The following MAPKAPK3 variants were observed in gnomAD, a reference collection of about 807,000 sequenced individuals.
The protein encoded by MAPKAPK3 is MAP kinase-activated protein kinase 3.
A neutral mutation model predicts 49.2 loss-of-function variants in MAPKAPK3; 35 were observed. That is an observed-to-expected ratio of 0.71 (90% CI 0.54 to 0.94). The LOEUF (loss-of-function observed/expected upper bound fraction) is 0.94. Ranked by LOEUF, MAPKAPK3 falls within the 40% of genes least tolerant of loss-of-function variation. MAPKAPK3 has a pLI of 0.00. For missense variants in MAPKAPK3, 398 were observed against 493.1 expected (o/e 0.81, Z 1.83); for synonymous variants, 178 against 188.7 (o/e 0.94, Z 0.46).
chr3:50,639,455 G>A (rs1235023724), intron 2 of MAPKAPK3, among the ~76,000 whole-genome samples: 6 of 152,128 alleles, frequency 3.9e-5, no homozygotes, highest in Admixed American at 1.3e-4. Context: ...TGACATTGTC[G>A]CCCTGGTACT....
intron 3 of MAPKAPK3, 122 bp from the exon 4 acceptor site, chr3:50,641,585 C>T: frequency 1.3e-6 from 1 of 786,572 alleles, no homozygotes; most frequent in East Asian, 2.6e-5. Flanking sequence ...CTGACAGTGG[C>T]TGTTCAGTAG....
chr3:50,630,656 T>A (rs886093593), intron 2 of MAPKAPK3, among the ~76,000 whole-genome samples: 2 of 151,940 alleles, frequency 1.3e-5, no homozygotes, highest in South Asian at 4.2e-4. Flanking sequence ...TCGGAAGGAG[T>A]GGCAGGGCCT....
chr3:50,635,481 G>C (rs977276396), intron 2 of MAPKAPK3, among the ~76,000 whole-genome samples: 1 of 118,368 alleles, frequency 8.4e-6, no homozygotes, highest in Non-Finnish European at 1.6e-5. Context: ...GCAGTGGCAC[G>C]ATCTCAGCTC....
At chr3:50,647,473 T>C (rs2033331187) in intron 10 of MAPKAPK3, among the ~76,000 whole-genome samples, 1 of 152,220 alleles carries the variant, frequency 6.6e-6, no homozygotes, top group Middle Eastern at 3.4e-3. Flanking sequence ...CCAACAACAT[T>C]TGGGAGGGTG....
intron 2 of MAPKAPK3, among the ~76,000 whole-genome samples, chr3:50,633,987 G>A (rs2032973515): frequency 6.6e-6 from 1 of 152,164 alleles, no homozygotes; most frequent in African/African-American, 2.4e-5. Context: ...ATGCTAGAGG[G>A]GCACGGGCCC....
intron 1 of MAPKAPK3, 126 bp from the exon 2 acceptor site, chr3:50,617,388 C>T: frequency 1.7e-6 from 1 of 578,462 alleles, no homozygotes; most frequent in Admixed American, 3.0e-5. Context: ...CACGTCTGTA[C>T]TCTCAGGCCG....
chr3:50,628,166 A>T (rs190306703), intron 2 of MAPKAPK3, among the ~76,000 whole-genome samples: 1 of 152,010 alleles, frequency 6.6e-6, no homozygotes, highest in African/African-American at 2.4e-5. Context: ...AAAGCTGGAG[A>T]GTTTTGGGTC....
chr3:50,613,144 G>A (rs904387063), upstream of MAPKAPK3, among the ~76,000 whole-genome samples: 3 of 151,930 alleles, frequency 2.0e-5, no homozygotes, highest in South Asian at 2.1e-4. Context: ...CCCCCTCCCA[G>A]TGTGTGCCCC....
upstream of MAPKAPK3, among the ~76,000 whole-genome samples, chr3:50,615,424 T>G (rs1235482839): frequency 6.6e-6 from 1 of 152,238 alleles, no homozygotes; most frequent in Non-Finnish European, 1.5e-5. Context: ...TGACTGCATG[T>G]GTACATGTGT....
chr3:50,619,640 C>A (rs1382340114), intron 2 of MAPKAPK3, among the ~76,000 whole-genome samples: 1 of 152,140 alleles, frequency 6.6e-6, no homozygotes, highest in Non-Finnish European at 1.5e-5. Context: ...TTCTTAATAC[C>A]AAGGCTTTGA....
At chr3:50,611,809 G>C, upstream of MAPKAPK3, 3 of 977,550 alleles carry the variant, frequency 3.1e-6, no homozygotes, top group Non-Finnish European at 4.2e-6. Context: ...GCGAGGGCGA[G>C]GGGGGCGGGC....
At chr3:50,646,392 C>T (rs969639413) in intron 8 of MAPKAPK3, 128 bp downstream of exon 8, 72 of 1,285,628 alleles carry the variant, frequency 5.6e-5, no homozygotes, top group Non-Finnish European at 7.9e-5. Flanking sequence ...GCTATGGGAC[C>T]CTAGGCAAGT....
upstream of MAPKAPK3, among the ~76,000 whole-genome samples, chr3:50,615,341 C>T (rs1203993074): frequency 6.6e-6 from 1 of 152,136 alleles, no homozygotes; most frequent in Non-Finnish European, 1.5e-5. Flanking sequence ...GCATGTGTAT[C>T]TGTGTGCATG....
intron 2 of MAPKAPK3, among the ~76,000 whole-genome samples, chr3:50,623,476 A>G (rs561980592): frequency 2.0e-5 from 3 of 152,262 alleles, no homozygotes; most frequent in Admixed American, 6.5e-5. Context: ...TGGGGCTTCT[A>G]GGATCTTTTC....
Position 50,648,211 on chromosome 3 carries a change from A to G in MAPKAPK3, c.*165A>G, listed in dbSNP as rs9879397. ...TCAGGATGGAGGACCCTGACCCTAAACCTCCTTCAGATCTCTGGCCCAGGC... is the reference window on the plus strand; with the variant it reads ...TCAGGATGGAGGACCCTGACCCTAAGCCTCCTTCAGATCTCTGGCCCAGGC... On this transcript the variant is annotated 3_prime_UTR_variant, in exon 11 of 11. Coordinates refer to ENST00000621469, the MANE Select transcript of MAPKAPK3 (RefSeq NM_001243925.2). 691,330 of 737,366 alleles carry G rather than the reference A, an allele frequency of 0.94. 328,861 individuals are homozygous for G. The highest frequency in any genetic ancestry group is 0.99 in the Non-Finnish European group (456,729 of 461,698). The allele number at this position is 737,366 out of a possible 1,614,324, so 45.7% of individuals were successfully genotyped here. A position where few individuals can be genotyped will look rare whatever the true frequency, so the allele number is the denominator to read the frequency against.
chr3:50,638,665 A>G (rs1478519471), intron 2 of MAPKAPK3, among the ~76,000 whole-genome samples: 2 of 152,188 alleles, frequency 1.3e-5, no homozygotes, highest in Admixed American at 1.3e-4. Context: ...GGGACAGCCA[A>G]GGGGCAGCAG....
chr3:50,634,028 A>G (rs955336905), intron 2 of MAPKAPK3, among the ~76,000 whole-genome samples: 2 of 152,128 alleles, frequency 1.3e-5, no homozygotes, highest in Non-Finnish European at 2.9e-5. Flanking sequence ...GGGGCTCACT[A>G]GCTGGTGAAG....
In MAPKAPK3 at chr3:50,647,163, G is replaced by T. The variant is rs779105845; in HGVS notation, c.956G>T (p.Arg319Leu). Residue 319 changes from arginine (R) to leucine (L), a missense_variant, in exon 10 of 11, where the codon CGA becomes CTA. By Grantham distance (102) the Arg-to-Leu change is moderately radical. Transcript: ENST00000621469. ...CCACAGACCCCACTCCACACGGCCC[G>T]AGTGCTGCAGGAGGACAAAGACCAC... ...VVPQTPLHTA[R>L]VLQEDKDHWD... The T allele has an allele frequency of 1.3e-6, 2 of 1,597,006 alleles. No individual in the cohort carries two copies. The highest frequency in any genetic ancestry group is 1.7e-6 in the Non-Finnish European group (2 of 1,171,742).
chr3:50,648,856 A>T lies in MAPKAPK3; in HGVS notation c.*810A>T, dbSNP rs1266016529. On this transcript the variant is annotated 3_prime_UTR_variant, in exon 11 of 11. Coordinates refer to ENST00000621469, the MANE Select transcript of MAPKAPK3 (RefSeq NM_001243925.2). ...AAGCCAGCATACTTTCCCTGCACCC[A>T]TCTGCTCACCAGATCTCAGGCAGGA... The T allele has an allele frequency of 6.6e-6, 1 of 152,262 alleles. No individual in the cohort carries two copies. The highest frequency in any genetic ancestry group is 6.5e-5 in the Admixed American group (1 of 15,286). 9.4% of individuals were successfully genotyped at this position (152,262 alleles called of 1,614,324 possible).
Sources: gnomAD v4.1 joint callset for allele counts (sites outside exome capture counted in the v4.1 genomes callset) on GRCh38, gnomAD v4.1.1 for gene constraint, MANE v1.5 for transcripts, NCBI Gene and HGNC (gene_info 2026-07-23, HGNC 2026-07-21) for gene names.